Variants in ANAPC11 observed in about 807,000 individuals in gnomAD.
The protein encoded by ANAPC11 is anaphase-promoting complex subunit 11.
A neutral mutation model predicts 11.8 loss-of-function variants in ANAPC11; 5 were observed. The ratio of observed to expected loss-of-function variants is 0.42; its 90% CI spans 0.22 to 0.89. The LOEUF (loss-of-function observed/expected upper bound fraction) is 0.89, where lower values mean the gene tolerates loss of function less well. Ranked by LOEUF, ANAPC11 falls within the 40% of genes least tolerant of loss-of-function variation. ANAPC11 has a pLI of 0.28. For synonymous variants in ANAPC11, 45 were observed against 41.0 expected (o/e 1.10, Z -0.38); for missense variants, 68 against 112.9 (o/e 0.60, Z 1.80).
chr17:81,899,762 G>A (rs1012902977), intron 3 of ANAPC11, 158 bp from the exon 4 acceptor site: 21 of 960,208 alleles, frequency 2.2e-5, no homozygotes, highest in East Asian at 1.1e-4. Flanking sequence ...TCAGGAGACC[G>A]ATTGGGTAAC....
At chr17:81,893,643 C>G (rs1017917976) in intron 2 of ANAPC11, 29 bp downstream of exon 2, 3 of 152,166 alleles carry the variant, frequency 2.0e-5, no homozygotes, top group Admixed American at 2.0e-4. Context: ...CTGTCCTGTG[C>G]TCCCAAATGT....
In ANAPC11 at chr17:81,899,996, G is replaced by A. The variant is rs1290751490; in HGVS notation, c.186G>A (p.Lys62=). The stretch of plus-strand genomic sequence containing the variant: ...GCTTCCACATGCATTGCATCCTCAA[G>A]TGGCTGCACGCACAGCAGGTGCAGC... ...SHCFHMHCIL[K]WLHAQQVQQH... Residue 62 remains lysine (K), a synonymous_variant, in exon 4 of 4, where the codon AAG becomes AAA. Coordinates refer to ENST00000344877, the MANE Select transcript of ANAPC11 (RefSeq NM_001002248.3). 6.2e-7 allele frequency: 1 copy of A among 1,613,040 alleles called. No homozygotes were observed. Among genetic ancestry groups the A allele is most frequent in the Admixed American group, 1.7e-5 (1 of 60,006 alleles).
upstream of ANAPC11, chr17:81,891,685 C>A: frequency 2.8e-6 from 3 of 1,058,510 alleles, no homozygotes; most frequent in Non-Finnish European, 3.5e-6. Context: ...CGCTGGCGGA[C>A]GGCTGCGCGC....
intron 3 of ANAPC11, 53 bp from the exon 4 acceptor site, chr17:81,899,867 G>C: frequency 6.4e-7 from 1 of 1,556,204 alleles, no homozygotes; most frequent in Non-Finnish European, 8.8e-7. Flanking sequence ...CTTGTCACAT[G>C]CTCTGTGTCC....
upstream of ANAPC11, chr17:81,890,833 C>A: frequency 1.2e-6 from 2 of 1,613,720 alleles, no homozygotes; most frequent in Non-Finnish European, 1.7e-6. Flanking sequence ...GAAAAAAAAA[C>A]CGCAACAAGA....
chr17:81,891,714 G>A (rs983045875), upstream of ANAPC11: 35 of 829,614 alleles, frequency 4.2e-5, no homozygotes, highest in Admixed American at 1.1e-4. Context: ...GGGTGAGGCG[G>A]GGAGGCGCGT....
intron 3 of ANAPC11, among the ~76,000 whole-genome samples, chr17:81,896,654 A>T (rs1385316417): frequency 6.6e-6 from 1 of 151,984 alleles, no homozygotes; most frequent in Non-Finnish European, 1.5e-5. Context: ...AACCAGGCGT[A>T]TTTTTGTAGG....
chr17:81,897,503 G>A (rs1452484313), intron 3 of ANAPC11, among the ~76,000 whole-genome samples: 1 of 151,820 alleles, frequency 6.6e-6, no homozygotes, highest in East Asian at 1.9e-4. Flanking sequence ...TTGAGACAGG[G>A]TCTTGCTGTC....
downstream of ANAPC11, chr17:81,900,272 G>C (rs1471162858): frequency 1.4e-6 from 1 of 718,972 alleles, no homozygotes; most frequent in Non-Finnish European, 2.2e-6. Context: ...GCCTCTGGGT[G>C]CCTGTGTTCT....
Position 81,891,841 on chromosome 17 carries a change from G to A in ANAPC11, c.-75G>A, listed in dbSNP as rs1056301450. On this transcript the variant is annotated splice_region_variant and 5_prime_UTR_variant, in exon 1 of 4. Transcript: ENST00000344877. The stretch of plus-strand genomic sequence containing the variant: ...CTGCCAACGGAAGGGCGGGTAGGGC[G>A]GTGCGTGATTAGGTTGGCGAAGGTG... 4.7e-6 allele frequency: 1 copy of A among 213,252 alleles called. No homozygotes were observed. Among genetic ancestry groups the A allele is most frequent in the South Asian group, 6.5e-5 (1 of 15,376 alleles). The allele number at this position is 213,252 out of a possible 1,614,324, so 13.2% of individuals were successfully genotyped here.
chr17:81,891,619 T>C, upstream of ANAPC11: 1 of 1,351,072 alleles, frequency 7.4e-7, no homozygotes, highest in Non-Finnish European at 9.6e-7. Context: ...GCACGTCACT[T>C]CCGGCGCCGC....
intron 1 of ANAPC11, among the ~76,000 whole-genome samples, chr17:81,892,366 G>A (rs1386308907): frequency 6.6e-6 from 1 of 151,850 alleles, no homozygotes; most frequent in Non-Finnish European, 1.5e-5. Flanking sequence ...CTACTTGGGA[G>A]GCCGAGGTGG....
chr17:81,895,141 G>A lies in ANAPC11; in HGVS notation c.109+555G>A, dbSNP rs62077242. Among the ~76,000 whole-genome samples, 475 of 133,512 alleles carry A rather than the reference G, an allele frequency of 3.6e-3. 2 individuals are homozygous for A. Among genetic ancestry groups the A allele is most frequent in the Non-Finnish European group, 5.6e-3 (367 of 65,136 alleles). The allele number at this position is 133,512 out of a possible 152,430, so 87.6% of individuals were successfully genotyped here. Reference sequence around the variant, plus strand: ...GCGATCTCGGCTCACTGCAACCTCCGCCTCCTGGGCTCAAGCGATTCTCCT... The same window carrying A: ...GCGATCTCGGCTCACTGCAACCTCCACCTCCTGGGCTCAAGCGATTCTCCT... On this transcript the variant is annotated intron_variant, in intron 3 of 3. Transcript: ENST00000344877.
upstream of ANAPC11, chr17:81,891,577 G>A (rs1205967474): frequency 1.4e-6 from 2 of 1,423,572 alleles, no homozygotes; most frequent in South Asian, 1.3e-5. Flanking sequence ...GCGGAATCGG[G>A]CATCGGCTCG....
Position 81,894,748 on chromosome 17 carries a change from G to T in ANAPC11, c.109+162G>T, listed in dbSNP as rs747609806. 61 of 441,050 alleles carry T rather than the reference G, an allele frequency of 1.4e-4. 1 individual carries two copies. The South Asian group carries it at 2.4e-3, about 17-fold the overall frequency. The allele number at this position is 441,050 out of a possible 1,614,324, so 27.3% of individuals were successfully genotyped here. A position where few individuals can be genotyped will look rare whatever the true frequency, so the allele number is the denominator to read the frequency against. ...TTTTTTTTTTTTGAGACCGAGTTTC[G>T]ATCTTGTTTCCCAGGCTGGAGTGCA... On this transcript the variant is annotated intron_variant, in intron 3 of 3. Coordinates refer to ENST00000344877, the MANE Select transcript of ANAPC11 (RefSeq NM_001002248.3).
At chr17:81,899,593 G>A (rs1255821801) in intron 3 of ANAPC11, 32 of 1,570,378 alleles carry the variant, frequency 2.0e-5, no homozygotes, top group Non-Finnish European at 2.8e-5. Context: ...ACACAGGGTG[G>A]GCTAGGCCAG....
At chr17:81,894,230 G>GAGTGAGAC (rs1410377168) in intron 2 of ANAPC11, 2 of 284,374 alleles carry the variant, frequency 7.0e-6, no homozygotes, top group Non-Finnish European at 1.3e-5. Context: ...CTGGGTGACA[G>GAGTGAGAC]AGTGAGACTC....
intron 1 of ANAPC11, among the ~76,000 whole-genome samples, chr17:81,892,890 C>T (rs1213205921): frequency 6.6e-6 from 1 of 151,792 alleles, no homozygotes; most frequent in Non-Finnish European, 1.5e-5. Flanking sequence ...CAGGGTCTCC[C>T]TCCGTCACCC....
At chr17:81,894,410 A>G in intron 2 of ANAPC11, 57 bp from the exon 3 acceptor site, 1 of 1,075,544 alleles carries the variant, frequency 9.3e-7, no homozygotes. Flanking sequence ...GTTGGTGCCT[A>G]AACGTTCTAG....
Sources: gnomAD v4.1 joint callset for allele counts (sites outside exome capture counted in the v4.1 genomes callset) on GRCh38, gnomAD v4.1.1 for gene constraint, MANE v1.5 for transcripts, NCBI Gene and HGNC (gene_info 2026-07-23, HGNC 2026-07-21) for gene names.